NAALADL2: variants seen among roughly 807,000 people sequenced by gnomAD.
NAALADL2 encodes the protein N-acetylated alpha-linked acidic dipeptidase like 2.
NAALADL2 carries 76 observed loss-of-function variants against 87.2 expected under a neutral mutation model. The observed-to-expected ratio is 0.87, with a 90% CI of 0.72 to 1.05. NAALADL2 has a LOEUF of 1.05. Among genes scored for constraint, NAALADL2 ranks in the 50% least tolerant of loss-of-function variants. The pLI, the probability that NAALADL2 is intolerant of heterozygous loss-of-function variation, is 0.00. For synonymous variants in NAALADL2, 354 were observed against 331.0 expected, an observed-to-expected ratio of 1.07 and a Z score of -0.75; for missense variants, 1,089 against 945.8, an observed-to-expected ratio of 1.15 and a Z score of -1.99.
intron 2 of NAALADL2, among the ~76,000 whole-genome samples, chr3:174,665,296 A>G (rs986068116): frequency 1.8e-4 from 28 of 152,164 alleles, no homozygotes; most frequent in Non-Finnish European, 1.5e-5. Flanking sequence ...ACGTAGAGGT[A>G]ACACATTGTA....
At chr3:174,681,250 A>G (rs2108826623) in intron 2 of NAALADL2, among the ~76,000 whole-genome samples, 1 of 152,224 alleles carries the variant, frequency 6.6e-6, no homozygotes, top group South Asian at 2.1e-4. Flanking sequence ...AATAAACTCA[A>G]AAGGTAGTCT....
chr3:174,760,934 T>C (rs1232022295), intron 3 of NAALADL2, among the ~76,000 whole-genome samples: 1 of 152,214 alleles, frequency 6.6e-6, no homozygotes, highest in African/African-American at 2.4e-5. Context: ...GAAATTGTCT[T>C]TTTTGGGCAA....
intron 13 of NAALADL2, among the ~76,000 whole-genome samples, chr3:175,769,546 T>C (rs1286567060): frequency 1.3e-5 from 2 of 152,218 alleles, no homozygotes; most frequent in Non-Finnish European, 2.9e-5. Context: ...TTATGTATAA[T>C]CTATCATCAT....
At chr3:175,274,189 C>T (rs1003306660) in intron 4 of NAALADL2, among the ~76,000 whole-genome samples, 2 of 152,044 alleles carry the variant, frequency 1.3e-5, no homozygotes, top group African/African-American at 4.8e-5. Flanking sequence ...TGGCAGCAGG[C>T]AAGAAGGTGT....
chr3:175,102,233 T>A (rs1405372910), intron 2 of NAALADL2, among the ~76,000 whole-genome samples: 1 of 152,222 alleles, frequency 6.6e-6, no homozygotes, highest in Non-Finnish European at 1.5e-5. Context: ...TGTGCCTATT[T>A]AATTATTCCC....
chr3:175,144,846 T>A (rs1262159225), intron 2 of NAALADL2, among the ~76,000 whole-genome samples: 2 of 152,026 alleles, frequency 1.3e-5, no homozygotes, highest in African/African-American at 4.8e-5. Context: ...TGTTTGAATC[T>A]CAGCCTGTTG....
chr3:174,455,920 A>G (rs969155537), intron 1 of NAALADL2, among the ~76,000 whole-genome samples: 2 of 151,898 alleles, frequency 1.3e-5, no homozygotes, highest in Non-Finnish European at 2.9e-5. Context: ...TAAGGATCAA[A>G]CTATTCCTGT....
At chr3:175,124,726 T>C (rs1726675995) in intron 2 of NAALADL2, 1 of 152,012 alleles carries the variant, frequency 6.6e-6, no homozygotes, top group South Asian at 2.1e-4. Flanking sequence ...TTATCATACA[T>C]GATAGAATAA....
At chr3:174,628,378 G>T (rs992122346) in intron 2 of NAALADL2, among the ~76,000 whole-genome samples, 11 of 150,668 alleles carry the variant, frequency 7.3e-5, no homozygotes, top group Admixed American at 3.3e-4. Context: ...TTGGGAGGCT[G>T]AGGTGAGAGA....
rs111900762 is a variant in NAALADL2 at position 174,971,469 on chromosome 3, C to T, written c.43+112019C>T. On this transcript the variant is annotated intron_variant, in intron 1 of 13. Coordinates refer to ENST00000454872, the MANE Select transcript of NAALADL2 (RefSeq NM_207015.3). Reference sequence around the variant, plus strand: ...CCCAGAAAGGCCTTTCCTGAAAACACTACCTAAATTAGGTACCCCTTTTAT... The same window carrying T: ...CCCAGAAAGGCCTTTCCTGAAAACATTACCTAAATTAGGTACCCCTTTTAT... Among the ~76,000 whole-genome samples, 1,208 of 152,290 alleles carry T rather than the reference C, an allele frequency of 7.9e-3. 18 individuals carry two copies. Among genetic ancestry groups the T allele is most frequent in the African/African-American group, 0.028 (1,150 of 41,558 alleles).
chr3:174,918,155 A>T (rs775182894), intron 1 of NAALADL2, among the ~76,000 whole-genome samples: 1 of 152,120 alleles, frequency 6.6e-6, no homozygotes, highest in Non-Finnish European at 1.5e-5. Context: ...AAAACATATC[A>T]GTACTTATTC....
In NAALADL2 at chr3:175,072,124, CA is replaced by C. The variant is rs200187219; in HGVS notation, c.44-24665del. Among the ~76,000 whole-genome samples the C allele has an allele frequency of 8.7e-3, 1,327 of 152,118 alleles. 14 individuals are homozygous for C. The highest frequency in any genetic ancestry group is 0.015 in the Non-Finnish European group (1,021 of 67,958). On this transcript the variant is annotated intron_variant, in intron 1 of 13. Coordinates refer to ENST00000454872, the MANE Select transcript of NAALADL2 (RefSeq NM_207015.3). ...TCTAGAGTTTGCCATGGAGTCTTTA[CA>C]TTAGTTGCCATTCAGGACTGTTGAA...
chr3:175,300,002 G>A (rs1756847624), intron 4 of NAALADL2, among the ~76,000 whole-genome samples: 1 of 152,170 alleles, frequency 6.6e-6, no homozygotes, highest in African/African-American at 2.4e-5. Flanking sequence ...ATGAAGGGGT[G>A]TTGAATTTTA....
At chr3:174,504,535 T>C (rs928589980) in intron 1 of NAALADL2, among the ~76,000 whole-genome samples, 1 of 152,126 alleles carries the variant, frequency 6.6e-6, no homozygotes, top group Admixed American at 6.5e-5. Flanking sequence ...TAGGCCTCCA[T>C]CCTAACTGTT....
At chr3:175,136,524 G>C (rs1729140563) in intron 2 of NAALADL2, among the ~76,000 whole-genome samples, 1 of 152,168 alleles carries the variant, frequency 6.6e-6, no homozygotes, top group African/African-American at 2.4e-5. Flanking sequence ...GCCAATGTTA[G>C]GGTCAGAGAA....
At chr3:175,426,028 A>G (rs1581833871) in intron 5 of NAALADL2, among the ~76,000 whole-genome samples, 2 of 152,152 alleles carry the variant, frequency 1.3e-5, no homozygotes, top group East Asian at 1.9e-4. Context: ...CTGAAATGCT[A>G]CTTCTGATAT....
chr3:175,176,182 C>T (rs1453390761), intron 2 of NAALADL2, among the ~76,000 whole-genome samples: 3 of 151,852 alleles, frequency 2.0e-5, no homozygotes, highest in Admixed American at 6.6e-5. Flanking sequence ...CTCTATTTCC[C>T]GCTGCCTTGG....
intron 3 of NAALADL2, among the ~76,000 whole-genome samples, chr3:175,255,140 T>G (rs1749705344): frequency 7.1e-6 from 1 of 140,786 alleles, no homozygotes; most frequent in Non-Finnish European, 1.6e-5. Context: ...GAGGCCATAT[T>G]TGGGCAACAG....
Position 175,098,894 on chromosome 3 carries a change from T to C in NAALADL2, c.545+1603T>C, listed in dbSNP as rs1172846379. 8.1e-5 allele frequency among the ~76,000 whole-genome samples: 3 copies of C among 36,890 alleles called. No individual in the cohort carries two copies. The East Asian group carries it at 2.6e-3, about 33-fold the overall frequency. 24.2% of individuals were successfully genotyped at this position (36,890 alleles called of 152,430 possible). A position where few individuals can be genotyped will look rare whatever the true frequency, so the allele number is the denominator to read the frequency against. ...TTTTAATGGTAAGGACAATTATGTG[T>C]TTTTTTTTTTTTCCCTGAGCATCTG... On this transcript the variant is annotated intron_variant, in intron 2 of 13. Transcript: ENST00000454872.
Sources: allele counts gnomAD v4.1 joint callset (sites outside exome capture counted in the v4.1 genomes callset), GRCh38; gene constraint gnomAD v4.1.1; transcripts MANE v1.5; gene names NCBI Gene and HGNC (gene_info 2026-07-23, HGNC 2026-07-21).